EMID1: variants seen among roughly 807,000 people sequenced by gnomAD.
EMID1 encodes EMI domain containing 1, also known as EMI domain-containing protein 1.
EMID1 carries 40 observed loss-of-function variants against 60.6 expected under a neutral mutation model. The observed-to-expected ratio is 0.66, with a 90% CI of 0.51 to 0.86. EMID1 has a LOEUF of 0.86. EMID1 is among the 40% of genes least tolerant of loss of function. EMID1 has a pLI of 0.00. For missense variants in EMID1, 585 were observed against 597.1 expected, an observed-to-expected ratio of 0.98 and a Z score of 0.21; for synonymous variants, 242 against 231.0, an observed-to-expected ratio of 1.05 and a Z score of -0.43.
chr22:29,226,648 T>C (rs888440566), intron 5 of EMID1, 97 bp downstream of exon 5: 4 of 1,181,436 alleles, frequency 3.4e-6, no homozygotes, highest in African/African-American at 1.6e-5. Flanking sequence ...CCGCACCCCA[T>C]GCTCGCACCC....
At chr22:29,245,147 C>A (rs2041286679) in intron 13 of EMID1, among the ~76,000 whole-genome samples, 1 of 152,124 alleles carries the variant, frequency 6.6e-6, no homozygotes, top group African/African-American at 2.4e-5. Flanking sequence ...CTCTCCTGGC[C>A]CCTGCTGTCC....
chr22:29,206,580 G>A (rs1012150973), intron 1 of EMID1, among the ~76,000 whole-genome samples: 7 of 152,110 alleles, frequency 4.6e-5, no homozygotes, highest in African/African-American at 1.7e-4. Context: ...TATCTCCCTC[G>A]GAGGAGGGAC....
intron 3 of EMID1, 60 bp from the exon 4 acceptor site, chr22:29,225,073 A>C (rs1251384395): frequency 2.6e-6 from 4 of 1,540,102 alleles, no homozygotes. Context: ...AGTGGTGGGC[A>C]GGGGGGCCTG....
chr22:29,236,623 G>A (rs994883389), intron 12 of EMID1, among the ~76,000 whole-genome samples: 6 of 151,730 alleles, frequency 4.0e-5, no homozygotes, highest in African/African-American at 1.5e-4. Context: ...CCTGGGAGGC[G>A]GAGGTTGCAG....
chr22:29,240,567 G>C lies in EMID1; in HGVS notation c.1075-2878G>C, dbSNP rs139334214. Among the ~76,000 whole-genome samples the C allele has an allele frequency of 9.6e-3, 1,464 of 152,272 alleles. 26 individuals carry two copies. The highest frequency in any genetic ancestry group is 0.034 in the African/African-American group (1,409 of 41,554). On this transcript the variant is annotated intron_variant, in intron 12 of 14. Coordinates refer to ENST00000334018, the MANE Select transcript of EMID1 (RefSeq NM_133455.4). ...CAGGGCTCAGGGCATAAAACCCCTCGTGGCCTCTGGAATGTGTCTAGACTT... is the reference window on the plus strand; with the variant it reads ...CAGGGCTCAGGGCATAAAACCCCTCCTGGCCTCTGGAATGTGTCTAGACTT...
chr22:29,230,961 A>T, intron 5 of EMID1, 59 bp from the exon 6 acceptor site: 1 of 1,555,700 alleles, frequency 6.4e-7, no homozygotes, highest in African/African-American at 1.4e-5. Flanking sequence ...TCTCAAAAAA[A>T]ATAGGGAGGG....
intron 13 of EMID1, among the ~76,000 whole-genome samples, chr22:29,246,083 G>A (rs1273289126): frequency 1.3e-5 from 2 of 152,216 alleles, no homozygotes; most frequent in Non-Finnish European, 2.9e-5. Context: ...CATCCTCCCG[G>A]AGGAGCCAGG....
intron 3 of EMID1, chr22:29,216,575 G>A (rs1212000907): frequency 5.1e-6 from 5 of 985,350 alleles, no homozygotes; most frequent in East Asian, 2.3e-4. Flanking sequence ...AAACACAAAT[G>A]TGCGAAAATG....
rs751707135 is a variant in EMID1, at chr22:29,257,540, C to A, written c.1205-1277C>A. On this transcript the variant is annotated intron_variant, in intron 14 of 14. Coordinates refer to ENST00000334018, the MANE Select transcript of EMID1 (RefSeq NM_133455.4). ...TCAGGTCTCCCCTCTAAAGTCCTGG[C>A]CCTTTGGACTGCATCAGCAAAGGTT... 2.6e-5 allele frequency among the ~76,000 whole-genome samples: 4 copies of A among 152,230 alleles called. No individual in the cohort carries two copies. In the South Asian group the frequency reaches 6.2e-4, roughly 24 times the overall value.
rs138230613 is a variant in EMID1 at position 29,225,169 on chromosome 22, C to T, written c.356C>T (p.Ser119Leu). The part of the protein sequence containing the change: ...ASSASLEPMW[S>L]GSTMRRMALR... ...TCTGCCTCCTTGGAGCCCATGTGGT[C>T]GGGCAGTACCATGCGGCGGATGGCG... Residue 119 changes from serine to leucine, a missense_variant, in exon 4 of 15, where the codon TCG becomes TTG. By Grantham distance (145) the Ser-to-Leu change is moderately radical (BLOSUM62 -2). Transcript: ENST00000334018. 1.7e-4 allele frequency: 272 copies of T among 1,613,824 alleles called. No homozygotes were observed. The highest frequency in any genetic ancestry group is 2.0e-4 in the Non-Finnish European group (236 of 1,180,016).
At position 29,206,099 on chromosome 22, in the gene EMID1, G is replaced by A. The variant is rs2039636974; in HGVS notation, c.61G>A (p.Ala21Thr). 4.1e-6 allele frequency: 5 copies of A among 1,230,682 alleles called. No homozygotes were observed. The South Asian group carries it at 1.6e-4, about 40-fold the overall frequency. 76.2% of individuals were successfully genotyped at this position (1,230,682 alleles called of 1,614,324 possible). A position where few individuals can be genotyped will look rare whatever the true frequency, so the allele number is the denominator to read the frequency against. Residue 21 changes from alanine (A) to threonine (T), a missense_variant, in exon 1 of 15, where the codon GCT becomes ACT. By Grantham distance (58) the Ala-to-Thr change is moderately conservative. Transcript: ENST00000334018. ...CGGGCTCCTGCTCCCGGGAGGCGGC[G>A]CTGCGTGGAGCATCGGGGCAGCTCC... ...CLGLLLPGGGAAWSIGAAPFS... is the reference protein window; with the variant it reads ...CLGLLLPGGGTAWSIGAAPFS...
chr22:29,219,500 C>A (rs573295028), intron 3 of EMID1, among the ~76,000 whole-genome samples: 9 of 152,294 alleles, frequency 5.9e-5, no homozygotes, highest in Non-Finnish European at 1.5e-5. Context: ...TAAGAACAGG[C>A]CAGGCACAGC....
chr22:29,239,946 G>A (rs2041095780), intron 12 of EMID1, among the ~76,000 whole-genome samples: 1 of 124,824 alleles, frequency 8.0e-6, no homozygotes, highest in Non-Finnish European at 1.7e-5. Flanking sequence ...CAAGCAGCTG[G>A]GACTACAGGC....
chr22:29,209,327 C>T (rs2039796890), intron 1 of EMID1, among the ~76,000 whole-genome samples: 1 of 152,056 alleles, frequency 6.6e-6, no homozygotes, highest in Admixed American at 6.5e-5. Context: ...GCTGAGTGGG[C>T]AGAAGTGTTG....
chr22:29,240,786 C>A (rs1255109569), intron 12 of EMID1, among the ~76,000 whole-genome samples: 2 of 152,222 alleles, frequency 1.3e-5, no homozygotes, highest in East Asian at 1.9e-4. Context: ...GAACTCGGGG[C>A]CTTCACAGCC....
intron 8 of EMID1, 180 bp from the exon 9 acceptor site, chr22:29,233,199 C>T: frequency 1.5e-6 from 1 of 665,876 alleles, no homozygotes; most frequent in South Asian, 1.8e-5. Context: ...TCCCTGCCTC[C>T]TGGTCTTGCG....
intron 8 of EMID1, 189 bp from the exon 9 acceptor site, chr22:29,233,190 C>G (rs996114355): frequency 3.1e-6 from 2 of 649,568 alleles, no homozygotes; most frequent in Admixed American, 2.5e-5. Flanking sequence ...ACCCACATCT[C>G]CCTGCCTCCT....
intron 3 of EMID1, among the ~76,000 whole-genome samples, chr22:29,222,382 C>T (rs1317467652): frequency 6.6e-6 from 1 of 150,376 alleles, no homozygotes; most frequent in Non-Finnish European, 1.5e-5. Context: ...GTGTGAGCCA[C>T]TGCGCCTGGC....
chr22:29,226,391 A>G, intron 4 of EMID1, 99 bp from the exon 5 acceptor site: 1 of 1,362,358 alleles, frequency 7.3e-7, no homozygotes. Flanking sequence ...GTCATCAGGT[A>G]TCTGACGCTT....
Sources: gnomAD v4.1 joint callset for allele counts (sites outside exome capture counted in the v4.1 genomes callset) on GRCh38, gnomAD v4.1.1 for gene constraint, MANE v1.5 for transcripts, NCBI Gene and HGNC (gene_info 2026-07-23, HGNC 2026-07-21) for gene names.